FRMD3: variants seen among roughly 807,000 people sequenced by gnomAD.
FRMD3 encodes FERM domain-containing protein 3.
A neutral mutation model predicts 70.2 loss-of-function variants in FRMD3; 33 were observed. The observed-to-expected ratio is 0.47, with a 90% CI of 0.36 to 0.63. The LOEUF (loss-of-function observed/expected upper bound fraction) is 0.63. FRMD3 is among the 20% of genes least tolerant of loss of function. The pLI is 0.00. For synonymous variants in FRMD3, 279 were observed against 255.9 expected (o/e 1.09, Z -0.86); for missense variants, 632 against 711.4 (o/e 0.89, Z 1.27).
At chr9:83,472,753 G>A (rs1465807130) in intron 1 of FRMD3, among the ~76,000 whole-genome samples, 1 of 152,156 alleles carries the variant, frequency 6.6e-6, no homozygotes, top group African/African-American at 2.4e-5. Flanking sequence ...TGCCATGAGA[G>A]TTGACTCTGC....
At chr9:83,573,268 T>C in the FRMD3 span, among the ~76,000 whole-genome samples, 1 of 152,116 alleles carries the variant, frequency 6.6e-6, no homozygotes, top group East Asian at 1.9e-4. Flanking sequence ...GGGAAGAAGA[T>C]GGTGGAGAAG....
rs543395351 is a variant in FRMD3, at chr9:83,372,048, G to A, written c.295+865C>T. On this transcript the variant is annotated intron_variant, in intron 3 of 13. Coordinates refer to ENST00000304195, the MANE Select transcript of FRMD3 (RefSeq NM_174938.6). ...TGAATGACGACAAGTGACATAATAT[G>A]CATTAACCTAATCTCTGACGAGAAA... Among the ~76,000 whole-genome samples the A allele has an allele frequency of 3.3e-5, 5 of 152,264 alleles. No homozygotes were observed. The South Asian group carries it at 1.0e-3, about 32-fold the overall frequency.
chr9:83,471,995 A>G (rs1244312527), intron 1 of FRMD3, among the ~76,000 whole-genome samples: 1 of 152,174 alleles, frequency 6.6e-6, no homozygotes, highest in Admixed American at 6.5e-5. Context: ...GTGAGAATAC[A>G]AGCAAATCAC....
intron 1 of FRMD3, among the ~76,000 whole-genome samples, chr9:83,516,521 T>C (rs944085833): frequency 2.6e-5 from 4 of 152,098 alleles, no homozygotes; most frequent in Non-Finnish European, 5.9e-5. Flanking sequence ...ACAATAATAG[T>C]GGGAGACTTT....
At chr9:83,256,679 A>G (rs1734577290) in intron 13 of FRMD3, among the ~76,000 whole-genome samples, 1 of 152,204 alleles carries the variant, frequency 6.6e-6, no homozygotes, top group African/African-American at 2.4e-5. Context: ...GGGAAAAAAA[A>G]ACCCATTAAA....
intron 13 of FRMD3, among the ~76,000 whole-genome samples, chr9:83,285,138 G>T (rs1385533977): frequency 6.6e-6 from 1 of 152,120 alleles, no homozygotes; most frequent in Non-Finnish European, 1.5e-5. Context: ...CTATGGTTAG[G>T]GCAAGACACT....
chr9:83,475,787 C>T (rs180907613), intron 1 of FRMD3, among the ~76,000 whole-genome samples: 56 of 152,302 alleles, frequency 3.7e-4, no homozygotes, highest in African/African-American at 1.3e-3. Context: ...GCTGCTATCA[C>T]GCACTCTCTG....
chr9:83,294,953 A>C (rs905366969), intron 12 of FRMD3, among the ~76,000 whole-genome samples: 5 of 152,162 alleles, frequency 3.3e-5, no homozygotes, highest in African/African-American at 9.7e-5. Flanking sequence ...AACTGTGTTT[A>C]TGCCTGAGGT....
chr9:83,418,336 C>G (rs1197528615), intron 1 of FRMD3, among the ~76,000 whole-genome samples: 1 of 151,950 alleles, frequency 6.6e-6, no homozygotes, highest in East Asian at 1.9e-4. Flanking sequence ...GCAGAGTAAA[C>G]AGACAACCCA....
At chr9:83,338,249 A>C (rs1313773851) in intron 5 of FRMD3, among the ~76,000 whole-genome samples, 1 of 152,242 alleles carries the variant, frequency 6.6e-6, no homozygotes, top group African/African-American at 2.4e-5. Context: ...GGAAGTTGGC[A>C]GAGACACAAG....
intron 13 of FRMD3, among the ~76,000 whole-genome samples, chr9:83,283,541 A>AT (rs1834060428): frequency 7.7e-5 from 2 of 25,898 alleles, no homozygotes; most frequent in African/African-American, 1.2e-4. Context: ...AAAAAAAAAA[A>AT]AAAAAAATAA....
At chr9:83,496,956 A>G (rs1828956896) in intron 1 of FRMD3, among the ~76,000 whole-genome samples, 1 of 152,134 alleles carries the variant, frequency 6.6e-6, no homozygotes, top group Non-Finnish European at 1.5e-5. Context: ...TCTACTAAAA[A>G]TACAAAAATT....
upstream of FRMD3, among the ~76,000 whole-genome samples, chr9:83,542,821 G>C (rs1830013719): frequency 6.6e-6 from 1 of 152,106 alleles, no homozygotes; most frequent in Non-Finnish European, 1.5e-5. Flanking sequence ...ATTGATATTT[G>C]ACAAAGAAGC....
chr9:83,365,820 C>A (rs1824767385), intron 3 of FRMD3, among the ~76,000 whole-genome samples: 1 of 152,152 alleles, frequency 6.6e-6, no homozygotes. Context: ...ACAAGTTTCC[C>A]TGAGGCTGAG....
At chr9:83,532,182 C>T (rs920917844) in intron 1 of FRMD3, among the ~76,000 whole-genome samples, 2 of 152,114 alleles carry the variant, frequency 1.3e-5, no homozygotes, top group African/African-American at 4.8e-5. Flanking sequence ...GAAACTGAGG[C>T]CCAATGAGGA....
chr9:83,502,254 G>A (rs1281870343), intron 1 of FRMD3, among the ~76,000 whole-genome samples: 1 of 152,158 alleles, frequency 6.6e-6, no homozygotes, highest in Non-Finnish European at 1.5e-5. Context: ...AGGAGCTAAG[G>A]ACACAGTGGT....
At chr9:83,342,897 C>T (rs72743075) in intron 5 of FRMD3, among the ~76,000 whole-genome samples, 1 of 152,196 alleles carries the variant, frequency 6.6e-6, no homozygotes, top group South Asian at 2.1e-4. Flanking sequence ...TATAAACCCA[C>T]CCATTCCACA....
At chr9:83,267,202 A>G (rs1833308415) in intron 13 of FRMD3, 2 of 1,549,368 alleles carry the variant, frequency 1.3e-6, no homozygotes, top group Non-Finnish European at 1.7e-6. Flanking sequence ...TTTCCCTAAC[A>G]GTCCATTCTG....
chr9:83,560,452 A>T, the FRMD3 span, among the ~76,000 whole-genome samples: 1 of 152,244 alleles, frequency 6.6e-6, no homozygotes, highest in Non-Finnish European at 1.5e-5. Flanking sequence ...CCCTGGCATC[A>T]TGCCCAACCA....
Sources: gnomAD v4.1 joint callset for allele counts (sites outside exome capture counted in the v4.1 genomes callset) on GRCh38, gnomAD v4.1.1 for gene constraint, MANE v1.5 for transcripts, NCBI Gene and HGNC (gene_info 2026-07-23, HGNC 2026-07-21) for gene names.